TMEM65: variants seen among roughly 807,000 people sequenced by gnomAD.
TMEM65 encodes transmembrane protein 65.
A neutral mutation model predicts 25.4 loss-of-function variants in TMEM65; 22 were observed. The ratio of observed to expected loss-of-function variants is 0.86; its 90% confidence interval spans 0.62 to 1.23. The LOEUF is 1.23. TMEM65 is among the 50% of genes most tolerant of loss of function. The pLI is 0.00. For missense variants in TMEM65, 262 were observed against 308.2 expected, an observed-to-expected ratio of 0.85 and a Z score of 1.12; for synonymous variants, 132 against 126.2, an observed-to-expected ratio of 1.05 and a Z score of -0.31.
rs1407971193 is a variant in TMEM65 at position 124,312,656 on chromosome 8, A to G, written c.*1304T>C. The G allele has an allele frequency of 6.6e-6, 1 of 152,120 alleles. No homozygotes were observed. Among genetic ancestry groups the G allele is most frequent in the East Asian group, 1.9e-4 (1 of 5,184 alleles). 9.4% of individuals were successfully genotyped at this position (152,120 alleles called of 1,614,324 possible). A position where few individuals can be genotyped will look rare whatever the true frequency, so the allele number is the denominator to read the frequency against. ...ACATGCTAAAAAAGTTTAAGGGTTC[A>G]GAAAACTAAAATTTATAATTCTTAC... On this transcript the variant is annotated 3_prime_UTR_variant, in exon 7 of 7. Coordinates refer to ENST00000297632, the MANE Select transcript of TMEM65 (RefSeq NM_194291.3).
Position 124,327,231 on chromosome 8 carries a change from TA to T in TMEM65, c.417+122del, listed in dbSNP as rs1005740758. ...AATTGAGCTATAGTCTGAGATATAGTAAAAAATATCCTTGTTCATTATGATA... is the reference window on the plus strand; with the variant it reads ...AATTGAGCTATAGTCTGAGATATAGTAAAAATATCCTTGTTCATTATGATA... On this transcript the variant is annotated intron_variant, in intron 3 of 6. Transcript: ENST00000297632. 7.5e-6 allele frequency: 5 copies of T among 670,998 alleles called. No individual in the cohort carries two copies. The African/African-American group carries it at 9.5e-5, about 13-fold the overall frequency. 41.6% of individuals were successfully genotyped at this position (670,998 alleles called of 1,614,324 possible).
At chr8:124,354,376 G>A (rs1814751405) in intron 1 of TMEM65, among the ~76,000 whole-genome samples, 1 of 152,140 alleles carries the variant, frequency 6.6e-6, no homozygotes, top group African/African-American at 2.4e-5. Flanking sequence ...TTATATTGTG[G>A]TTATCCAGGG....
intron 2 of TMEM65, among the ~76,000 whole-genome samples, chr8:124,329,405 A>C (rs1192465308): frequency 6.6e-6 from 1 of 151,232 alleles, no homozygotes; most frequent in African/African-American, 2.4e-5. Flanking sequence ...ATAATGATGA[A>C]ACTGGTTAGG....
chr8:124,356,957 C>T (rs995328599), intron 1 of TMEM65, among the ~76,000 whole-genome samples: 1 of 152,162 alleles, frequency 6.6e-6, no homozygotes, highest in African/African-American at 2.4e-5. Flanking sequence ...ATCCTCCCAA[C>T]TCGTCCTCCC....
intron 1 of TMEM65, among the ~76,000 whole-genome samples, chr8:124,353,877 A>G (rs1031470975): frequency 1.4e-4 from 21 of 152,206 alleles, no homozygotes; most frequent in Non-Finnish European, 1.0e-4. Flanking sequence ...GACTCAAAGT[A>G]TCACTTCACA....
rs577786704 is a variant in TMEM65, at chr8:124,309,690, T to C, written c.*4270A>G. ...TTCACTTATGACCACTGGTACTTTCTATCCTCTTTATCTTGTTTCATTTAT... is the reference window on the plus strand; with the variant it reads ...TTCACTTATGACCACTGGTACTTTCCATCCTCTTTATCTTGTTTCATTTAT... On this transcript the variant is annotated 3_prime_UTR_variant, in exon 7 of 7. Coordinates refer to ENST00000297632, the MANE Select transcript of TMEM65 (RefSeq NM_194291.3). 2.4e-4 allele frequency: 37 copies of C among 152,406 alleles called. No homozygotes were observed. The highest frequency in any genetic ancestry group is 7.2e-4 in the African/African-American group (30 of 41,600). 9.4% of individuals were successfully genotyped at this position (152,406 alleles called of 1,614,324 possible).
At chr8:124,316,791 T>A (rs544180881) in intron 6 of TMEM65, among the ~76,000 whole-genome samples, 1 of 152,300 alleles carries the variant, frequency 6.6e-6, no homozygotes, top group South Asian at 2.1e-4. Context: ...ATATCCTTAT[T>A]CCCTCAAAAC....
chr8:124,364,553 T>G (rs1814914391), intron 1 of TMEM65, among the ~76,000 whole-genome samples: 1 of 152,206 alleles, frequency 6.6e-6, no homozygotes. Context: ...CGACATCTGG[T>G]AGAAGCTAAA....
chr8:124,366,008 G>A (rs1465263262), intron 1 of TMEM65, among the ~76,000 whole-genome samples: 1 of 152,132 alleles, frequency 6.6e-6, no homozygotes, highest in Non-Finnish European at 1.5e-5. Context: ...ATTGCTTGAG[G>A]TCAGGAGTTC....
At chr8:124,345,083 A>T (rs1450795501) in intron 1 of TMEM65, among the ~76,000 whole-genome samples, 1 of 152,190 alleles carries the variant, frequency 6.6e-6, no homozygotes, top group Admixed American at 6.5e-5. Context: ...ACTGCAATCT[A>T]ATTTCATATG....
chr8:124,370,337 T>C (rs1015020475), intron 1 of TMEM65, among the ~76,000 whole-genome samples: 2 of 152,160 alleles, frequency 1.3e-5, no homozygotes, highest in Non-Finnish European at 2.9e-5. Context: ...AGGTAAAATG[T>C]GTGTTCAAAT....
rs1247613600 is a variant in TMEM65 at position 124,320,151 on chromosome 8, G to T, written c.556C>A (p.Leu186Met). The change falls in exon 6 of 7, where the codon CTG becomes ATG. Residue 186 changes from leucine to methionine, a missense_variant. Transcript: ENST00000297632. Reference sequence around the variant, plus strand: ...TTTGGTGTGAGATCAGGAATTGACAGGCCTAACCTGGAAGCCAATGCTTCA... The same window carrying T: ...TTTGGTGTGAGATCAGGAATTGACATGCCTAACCTGGAAGCCAATGCTTCA... ...YVEALASRLG[L>M]SIPDLTPKQV... 1.2e-6 allele frequency: 2 copies of T among 1,613,270 alleles called. No individual in the cohort carries two copies. Among genetic ancestry groups the T allele is most frequent in the South Asian group, 2.2e-5 (2 of 91,058 alleles).
rs869161640 is a variant in TMEM65, at chr8:124,363,836, CAAAAAAAAAAAAAAAAA to C, written c.304+8001_304+8017del. On this transcript the variant is annotated intron_variant, in intron 1 of 6. Transcript: ENST00000297632. ...AGGGCGACAGAGCGAGACTCCGTCT[CAAAAAAAAAAAAAAAAA>C]AAAAAAAAAAAAAACAAGAAGTATC... Among the ~76,000 whole-genome samples the C allele has an allele frequency of 2.5e-3, 141 of 55,726 alleles. No homozygotes were observed. In the Middle Eastern group the frequency reaches 0.074, roughly 29 times the overall value. The allele number at this position is 55,726 out of a possible 152,430, so 36.6% of individuals were successfully genotyped here. A position where few individuals can be genotyped will look rare whatever the true frequency, so the allele number is the denominator to read the frequency against.
chr8:124,345,211 A>C (rs1814627812), intron 1 of TMEM65, among the ~76,000 whole-genome samples: 1 of 152,176 alleles, frequency 6.6e-6, no homozygotes, highest in Admixed American at 6.5e-5. Flanking sequence ...GACATGTCCA[A>C]ATAAGGAAAA....
intron 1 of TMEM65, among the ~76,000 whole-genome samples, chr8:124,348,522 T>C (rs946549765): frequency 2.6e-5 from 4 of 152,100 alleles, no homozygotes; most frequent in African/African-American, 9.7e-5. Context: ...TTATTAGATA[T>C]AGAGATGGTA....
chr8:124,331,953 G>C (rs1182245188), intron 1 of TMEM65, among the ~76,000 whole-genome samples: 1 of 151,948 alleles, frequency 6.6e-6, no homozygotes, highest in African/African-American at 2.4e-5. Flanking sequence ...TTCCATAATG[G>C]CTTTACAGTA....
chr8:124,329,158 A>G, intron 2 of TMEM65, among the ~76,000 whole-genome samples: 1 of 152,050 alleles, frequency 6.6e-6, no homozygotes, highest in East Asian at 1.9e-4. Flanking sequence ...AAAGGTTGTA[A>G]AAATCAAGTA....
In TMEM65 at chr8:124,311,326, A is replaced by AAT. The variant is rs1204003227; in HGVS notation, c.*2632_*2633dup. On this transcript the variant is annotated 3_prime_UTR_variant, in exon 7 of 7. Transcript: ENST00000297632. ...TTAATCCTGTTTGCTTTAGTAACAG[A>AAT]ATATACCAAGGCCCTCTGAGATTAG... 1.3e-5 allele frequency: 2 copies of AAT among 152,768 alleles called. No homozygotes were observed. The highest frequency in any genetic ancestry group is 1.5e-5 in the Non-Finnish European group (1 of 68,036). The allele number at this position is 152,768 out of a possible 1,614,324, so 9.5% of individuals were successfully genotyped here. A position where few individuals can be genotyped will look rare whatever the true frequency, so the allele number is the denominator to read the frequency against.
chr8:124,367,360 G>T (rs1814952181), intron 1 of TMEM65, among the ~76,000 whole-genome samples: 1 of 152,100 alleles, frequency 6.6e-6, no homozygotes, highest in Non-Finnish European at 1.5e-5. Flanking sequence ...TGTAATCCCA[G>T]CTTCTCAGGA....
Sources: allele counts gnomAD v4.1 joint callset (sites outside exome capture counted in the v4.1 genomes callset), GRCh38; gene constraint gnomAD v4.1.1; transcripts MANE v1.5; gene names NCBI Gene and HGNC (gene_info 2026-07-23, HGNC 2026-07-21).